CCDC83: variants seen among roughly 807,000 people sequenced by gnomAD.
CCDC83 encodes the protein coiled-coil domain-containing protein 83.
In CCDC83, 54 loss-of-function variants were observed where a neutral mutation model predicts 50.1. That is an observed-to-expected ratio of 1.08 (90% confidence interval 0.87 to 1.35). CCDC83 has a LOEUF of 1.35. Among genes scored for constraint, CCDC83 ranks in the 40% most tolerant of loss-of-function variants. The pLI is 0.00. For synonymous variants in CCDC83, 161 were observed against 153.3 expected (o/e 1.05, Z -0.37); for missense variants, 518 against 473.9 (o/e 1.09, Z -0.86).
chr11:85,862,314 T>C (rs2093181299), intron 1 of CCDC83, among the ~76,000 whole-genome samples: 1 of 152,168 alleles, frequency 6.6e-6, no homozygotes, highest in Non-Finnish European at 1.5e-5. Context: ...TGCTCACCTG[T>C]CCTTACATCA....
chr11:85,911,200 A>C (rs1324966966), intron 7 of CCDC83, 81 bp from the exon 8 acceptor site: 2 of 1,220,224 alleles, frequency 1.6e-6, no homozygotes, highest in East Asian at 5.8e-5. Context: ...AAAGAAAGAA[A>C]AAAGAAAAAA....
intron 4 of CCDC83, among the ~76,000 whole-genome samples, 183 bp from the exon 5 acceptor site, chr11:85,886,017 T>G (rs1397858086): frequency 6.6e-6 from 1 of 152,208 alleles, no homozygotes; most frequent in African/African-American, 2.4e-5. Context: ...GCTTAGATTT[T>G]GAATCAGGGG....
intron 6 of CCDC83, among the ~76,000 whole-genome samples, chr11:85,896,400 C>CAAAA (rs58450617): frequency 1.8e-4 from 9 of 50,498 alleles, no homozygotes; most frequent in Non-Finnish European, 3.4e-4. Flanking sequence ...GACCTTGTCT[C>CAAAA]AAAAAAAAAA....
intron 2 of CCDC83, 23 bp from the exon 3 acceptor site, chr11:85,873,188 A>G (rs1389339526): frequency 7.5e-7 from 1 of 1,325,482 alleles, no homozygotes; most frequent in Admixed American, 2.2e-5. Flanking sequence ...ATTCTAACAC[A>G]TTTTATCTTT....
At chr11:85,911,192 A>AT in intron 7 of CCDC83, 89 bp from the exon 8 acceptor site, 11 of 1,044,470 alleles carry the variant, frequency 1.1e-5, no homozygotes, top group East Asian at 3.2e-5. Flanking sequence ...AAAAAAAAAA[A>AT]GAAAGAAAAA....
At chr11:85,898,335 T>C (rs993575220) in intron 6 of CCDC83, among the ~76,000 whole-genome samples, 1 of 152,160 alleles carries the variant, frequency 6.6e-6, no homozygotes, top group Admixed American at 6.5e-5. Flanking sequence ...CGCAGAGAAA[T>C]ACAGTTGGTT....
chr11:85,884,982 G>T (rs562490279), intron 4 of CCDC83, among the ~76,000 whole-genome samples: 29 of 152,160 alleles, frequency 1.9e-4, no homozygotes, highest in Non-Finnish European at 3.5e-4. Flanking sequence ...ATGCCAAGGC[G>T]GGCAGATTGC....
At chr11:85,914,242 GATTC>G (rs2093467246) in intron 8 of CCDC83, among the ~76,000 whole-genome samples, 2 of 152,222 alleles carry the variant, frequency 1.3e-5, no homozygotes, top group South Asian at 4.1e-4. Flanking sequence ...TAATTTAGGG[GATTC>G]ACTTTACTTG....
intron 5 of CCDC83, among the ~76,000 whole-genome samples, chr11:85,893,470 G>T (rs561147716): frequency 2.0e-5 from 3 of 152,284 alleles, no homozygotes; most frequent in African/African-American, 7.2e-5. Context: ...TGCTTTGGCT[G>T]ACTTGGTCTG....
Position 85,917,306 on chromosome 11 carries a change from A to G in CCDC83, c.1080+1073A>G, listed in dbSNP as rs115682638. Among the ~76,000 whole-genome samples the G allele has an allele frequency of 2.2e-3, 328 of 152,116 alleles. 5 individuals carry two copies. The highest frequency in any genetic ancestry group is 7.6e-3 in the African/African-American group (314 of 41,524). On this transcript the variant is annotated intron_variant, in intron 10 of 10. Coordinates refer to ENST00000342404, the MANE Select transcript of CCDC83 (RefSeq NM_001286159.2). ...AGGAAGGAAAGAAAGAAAGAAAAGA[A>G]AGAAGGCAGTTTTATATGGCTTAGC...
intron 3 of CCDC83, among the ~76,000 whole-genome samples, chr11:85,874,342 C>A (rs1307779276): frequency 6.6e-6 from 1 of 152,200 alleles, no homozygotes; most frequent in Non-Finnish European, 1.5e-5. Context: ...TGCACCCATG[C>A]ACATCCTCCA....
At chr11:85,912,638 T>A (rs2093459899) in intron 8 of CCDC83, 1 of 1,554,748 alleles carries the variant, frequency 6.4e-7, no homozygotes, top group African/African-American at 1.4e-5. Flanking sequence ...AGCCCTCCTC[T>A]CTGTGATCAG....
intron 7 of CCDC83, 61 bp downstream of exon 7, chr11:85,899,076 C>T: frequency 7.9e-7 from 1 of 1,262,264 alleles, no homozygotes. Context: ...GTGGAAATGA[C>T]TTTTAATTAT....
rs766531835 is a variant in CCDC83 at position 85,917,161 on chromosome 11, AGAGAG to A, written c.1080+929_1080+933del. Among the ~76,000 whole-genome samples, 74 of 104,104 alleles carry A rather than the reference AGAGAG, an allele frequency of 7.1e-4. 1 individual carries two copies. Among genetic ancestry groups the A allele is most frequent in the East Asian group, 2.2e-3 (9 of 4,018 alleles). 68.3% of individuals were successfully genotyped at this position (104,104 alleles called of 152,430 possible). ...GAGAGAGAGAGAGAGAGAGAGAGAG[AGAGAG>A]AGAAAGAAAGAAAGAAAGAAAGAAA... On this transcript the variant is annotated intron_variant, in intron 10 of 10. Coordinates refer to ENST00000342404, the MANE Select transcript of CCDC83 (RefSeq NM_001286159.2).
rs751744817 is a variant in CCDC83 at position 85,895,274 on chromosome 11, T to C, written c.512-19T>C. ...AAGGCTTTTAATTTTCTTTTTTTTTTTTTTTTTTTTTTTTAAAGAACACTA... is the reference window on the plus strand; with the variant it reads ...AAGGCTTTTAATTTTCTTTTTTTTTCTTTTTTTTTTTTTTAAAGAACACTA... On this transcript the variant is annotated intron_variant, in intron 5 of 10. Coordinates refer to ENST00000342404, the MANE Select transcript of CCDC83 (RefSeq NM_001286159.2). The C allele has an allele frequency of 4.1e-5, 31 of 758,026 alleles. No individual in the cohort carries two copies. The highest frequency in any genetic ancestry group is 2.0e-4 in the South Asian group (11 of 54,038). 47.0% of individuals were successfully genotyped at this position (758,026 alleles called of 1,614,324 possible).
chr11:85,910,359 C>T lies in CCDC83; in HGVS notation c.673-922C>T, dbSNP rs1321419247. On this transcript the variant is annotated intron_variant, in intron 7 of 10. Coordinates refer to ENST00000342404, the MANE Select transcript of CCDC83 (RefSeq NM_001286159.2). The stretch of plus-strand genomic sequence containing the variant: ...AATATCATTTCTGCCACATGATAGC[C>T]ATATGATACAACTGAATGAATGAAC... Among the ~76,000 whole-genome samples the T allele has an allele frequency of 2.6e-5, 4 of 152,178 alleles. No individual in the cohort carries two copies. In the East Asian group the frequency reaches 7.7e-4, roughly 29 times the overall value.
intron 7 of CCDC83, among the ~76,000 whole-genome samples, chr11:85,910,206 A>G (rs2093447010): frequency 6.6e-6 from 1 of 152,160 alleles, no homozygotes; most frequent in Admixed American, 6.5e-5. Context: ...CTCTCCTCCG[A>G]TGGCACCAGG....
At chr11:85,917,231 A>AAAG (rs1554986962) in intron 10 of CCDC83, among the ~76,000 whole-genome samples, 1 of 134,070 alleles carries the variant, frequency 7.5e-6, no homozygotes, top group South Asian at 2.4e-4. Context: ...AGAAAGAAAG[A>AAAG]AAAGAAAGAA....
chr11:85,882,796 A>T, intron 4 of CCDC83, 121 bp downstream of exon 4: 1 of 875,716 alleles, frequency 1.1e-6, no homozygotes, highest in Non-Finnish European at 1.7e-6. Context: ...CGGCATCATT[A>T]CCACCGCAGC....
Sources: allele counts gnomAD v4.1 joint callset (sites outside exome capture counted in the v4.1 genomes callset), GRCh38; gene constraint gnomAD v4.1.1; transcripts MANE v1.5; gene names NCBI Gene and HGNC (gene_info 2026-07-23, HGNC 2026-07-21).